Variants in PPFIA2 observed in about 807,000 individuals in gnomAD.
PPFIA2 encodes PPFI scaffold protein A2.
PPFIA2 carries 46 observed loss-of-function variants against 175.5 expected under a neutral mutation model. That is an observed-to-expected ratio of 0.26 (90% CI 0.21 to 0.34). PPFIA2 has a LOEUF of 0.34. PPFIA2 is among the 10% of genes least tolerant of loss of function. PPFIA2 has a pLI of 1.00. For missense variants in PPFIA2, 1,179 were observed against 1,506.1 expected, an observed-to-expected ratio of 0.78 and a Z score of 3.60; for synonymous variants, 568 against 511.4, an observed-to-expected ratio of 1.11 and a Z score of -1.49.
chr12:81,521,228 A>C (rs2148053489), intron 4 of PPFIA2, among the ~76,000 whole-genome samples: 1 of 152,182 alleles, frequency 6.6e-6, no homozygotes, highest in South Asian at 2.1e-4. Context: ...GTGCGGTGTA[A>C]AGATCGCTAC....
At chr12:81,372,906 G>A (rs1418765263) in intron 11 of PPFIA2, among the ~76,000 whole-genome samples, 2 of 151,382 alleles carry the variant, frequency 1.3e-5, no homozygotes, top group Non-Finnish European at 3.0e-5. Context: ...GCTGAGGGGA[G>A]CTATTTTTTG....
intron 4 of PPFIA2, among the ~76,000 whole-genome samples, chr12:81,617,300 G>T (rs958106501): frequency 6.6e-6 from 1 of 152,094 alleles, no homozygotes; most frequent in African/African-American, 2.4e-5. Context: ...ATTTATCCAA[G>T]ATCCAGCTCC....
intron 16 of PPFIA2, among the ~76,000 whole-genome samples, chr12:81,356,606 T>C (rs904080490): frequency 6.6e-5 from 10 of 152,096 alleles, no homozygotes; most frequent in Non-Finnish European, 1.3e-4. Flanking sequence ...AAGGCTGCAA[T>C]GAGCCATGAT....
At chr12:81,550,130 C>T (rs1029258603) in intron 4 of PPFIA2, among the ~76,000 whole-genome samples, 1 of 151,754 alleles carries the variant, frequency 6.6e-6, no homozygotes, top group Non-Finnish European at 1.5e-5. Context: ...GAGTAAATGA[C>T]AAAAATCTCT....
At chr12:81,612,318 G>A (rs1028171932) in intron 4 of PPFIA2, among the ~76,000 whole-genome samples, 5 of 151,924 alleles carry the variant, frequency 3.3e-5, no homozygotes, top group Non-Finnish European at 7.4e-5. Context: ...TCACTCACTT[G>A]TTCAACAAAT....
chr12:81,289,123 C>T (rs1386848062), intron 24 of PPFIA2, among the ~76,000 whole-genome samples: 1 of 151,806 alleles, frequency 6.6e-6, no homozygotes, highest in Admixed American at 6.6e-5. Context: ...TTTCTCATAG[C>T]TGTAGTTGTG....
Position 81,457,876 on chromosome 12 carries a change from TA to T in PPFIA2, c.304-11del. On this transcript the variant is annotated splice_polypyrimidine_tract_variant and intron_variant, in intron 4 of 32. Transcript: ENST00000549396. ...TCAGTGCAGCAAATTCCTGGAAAAG[TA>T]ATAAAAATATTTGAAGAAATATTCA... 6.6e-7 allele frequency: 1 copy of T among 1,519,750 alleles called. No homozygotes were observed. The highest frequency in any genetic ancestry group is 8.9e-7 in the Non-Finnish European group (1 of 1,120,042). The allele number at this position is 1,519,750 out of a possible 1,614,324, so 94.1% of individuals were successfully genotyped here. A position where few individuals can be genotyped will look rare whatever the true frequency, so the allele number is the denominator to read the frequency against.
intron 8 of PPFIA2, among the ~76,000 whole-genome samples, chr12:81,404,560 C>G (rs570713932): frequency 1.3e-3 from 205 of 152,240 alleles, no homozygotes; most frequent in African/African-American, 4.7e-3. Context: ...TTATTCTAAT[C>G]TCAGATAAAG....
At chr12:81,425,506 G>A (rs575012767) in intron 7 of PPFIA2, among the ~76,000 whole-genome samples, 6 of 152,058 alleles carry the variant, frequency 3.9e-5, no homozygotes, top group Non-Finnish European at 4.4e-5. Context: ...CACCATGCCC[G>A]GCTAAATTTT....
At chr12:81,723,553 G>T (rs1328702255) in intron 3 of PPFIA2, among the ~76,000 whole-genome samples, 1 of 150,946 alleles carries the variant, frequency 6.6e-6, no homozygotes, top group East Asian at 1.9e-4. Flanking sequence ...CACCTATTCT[G>T]TCATTGGTAT....
At chr12:81,521,688 C>T (rs550459820) in intron 4 of PPFIA2, among the ~76,000 whole-genome samples, 80 of 148,950 alleles carry the variant, frequency 5.4e-4, no homozygotes, top group Non-Finnish European at 1.1e-3. Flanking sequence ...GGCATGGTGG[C>T]GGGCGCCTGT....
At chr12:81,479,811 C>T (rs1053556637) in intron 4 of PPFIA2, among the ~76,000 whole-genome samples, 1 of 152,038 alleles carries the variant, frequency 6.6e-6, no homozygotes, top group Non-Finnish European at 1.5e-5. Context: ...GTGGGTAACC[C>T]GACATTTTTC....
intron 20 of PPFIA2, among the ~76,000 whole-genome samples, chr12:81,339,954 C>T (rs1379053849): frequency 2.0e-5 from 3 of 152,008 alleles, no homozygotes; most frequent in Middle Eastern, 3.2e-3. Flanking sequence ...AACTGAAATG[C>T]TTTTCAAGCA....
intron 12 of PPFIA2, 70 bp from the exon 13 acceptor site, chr12:81,368,926 G>A: frequency 6.7e-7 from 1 of 1,498,168 alleles, no homozygotes; most frequent in Admixed American, 2.1e-5. Context: ...AGTGTTGCTA[G>A]TTTTAAATTG....
intron 3 of PPFIA2, among the ~76,000 whole-genome samples, chr12:81,696,194 T>TAAATG (rs1464938717): frequency 1.3e-5 from 2 of 152,172 alleles, no homozygotes; most frequent in African/African-American, 2.4e-5. Context: ...CTTGGGAAGG[T>TAAATG]AAATGTGTAC....
intron 8 of PPFIA2, among the ~76,000 whole-genome samples, chr12:81,400,633 G>A (rs1222618681): frequency 6.6e-6 from 1 of 152,014 alleles, no homozygotes. Context: ...CCATATTACT[G>A]TTGCTTAAAT....
intron 14 of PPFIA2, among the ~76,000 whole-genome samples, chr12:81,363,278 TATTAATTA>T (rs950465063): frequency 6.6e-6 from 1 of 151,152 alleles, no homozygotes; most frequent in African/African-American, 2.4e-5. Flanking sequence ...TTTTAAAAAA[TATTAATTA>T]ATTAATTAAT....
At chr12:81,311,681 C>T (rs1036409064) in intron 22 of PPFIA2, among the ~76,000 whole-genome samples, 6 of 144,070 alleles carry the variant, frequency 4.2e-5, no homozygotes, top group Non-Finnish European at 7.5e-5. Context: ...TGCAGTGAGC[C>T]GAGATCGCGC....
At chr12:81,715,744 C>A (rs370430114) in intron 3 of PPFIA2, among the ~76,000 whole-genome samples, 1 of 151,692 alleles carries the variant, frequency 6.6e-6, no homozygotes, top group Non-Finnish European at 1.5e-5. Flanking sequence ...CGTACAATCA[C>A]GATAAAAGTA....
Sources: allele counts gnomAD v4.1 joint callset (sites outside exome capture counted in the v4.1 genomes callset), GRCh38; gene constraint gnomAD v4.1.1; transcripts MANE v1.5; gene names NCBI Gene and HGNC (gene_info 2026-07-23, HGNC 2026-07-21).